RNF111: variants seen among roughly 807,000 people sequenced by gnomAD.
RNF111 encodes ring finger protein 111, also known as E3 ubiquitin-protein ligase Arkadia.
Under a neutral mutation model 95.1 loss-of-function variants are expected in RNF111, and 17 were observed. The observed-to-expected ratio is 0.18, with a 90% CI of 0.12 to 0.27. The LOEUF (loss-of-function observed/expected upper bound fraction) is 0.27. RNF111 is among the 10% of genes least tolerant of loss of function. The pLI is 1.00. For missense variants in RNF111, 1,189 were observed against 1,210.4 expected (o/e 0.98, Z 0.26); for synonymous variants, 440 against 414.8 (o/e 1.06, Z -0.74).
chr15:59,022,484 C>G (rs771795724), intron 1 of RNF111, among the ~76,000 whole-genome samples: 1 of 152,206 alleles, frequency 6.6e-6, no homozygotes, highest in Non-Finnish European at 1.5e-5. Flanking sequence ...CTCCATTTAA[C>G]TGTATTTTCT....
chr15:59,003,526 G>A (rs2039415624), intron 1 of RNF111, among the ~76,000 whole-genome samples: 1 of 151,952 alleles, frequency 6.6e-6, no homozygotes, highest in South Asian at 2.1e-4. Context: ...AGCCTCTCCA[G>A]TAGCTGGGAC....
At chr15:59,065,049 T>G (rs182262226) in intron 5 of RNF111, among the ~76,000 whole-genome samples, 2 of 152,136 alleles carry the variant, frequency 1.3e-5, no homozygotes, top group African/African-American at 4.8e-5. Flanking sequence ...CAGAAGAGAT[T>G]AGCTAGGTAC....
intron 13 of RNF111, chr15:59,093,337 C>CTTTTTTTTTTTTTTTTTTTTTTTTT: frequency 3.7e-6 from 1 of 272,050 alleles, no homozygotes; most frequent in Non-Finnish European, 6.7e-6. Context: ...TTTACAGCAT[C>CTTTTTTTTTTTTTTTTTTTTTTTTT]TTTTTTTTTT....
intron 2 of RNF111, among the ~76,000 whole-genome samples, chr15:59,043,751 A>C (rs2041578698): frequency 6.6e-6 from 1 of 152,212 alleles, no homozygotes; most frequent in Admixed American, 6.5e-5. Flanking sequence ...AGTAACTTTA[A>C]TTGTGACTGT....
At chr15:59,091,887 A>G (rs1206733386) in intron 12 of RNF111, among the ~76,000 whole-genome samples, 6 of 152,164 alleles carry the variant, frequency 3.9e-5, no homozygotes, top group Non-Finnish European at 7.3e-5. Flanking sequence ...CACAGTTTAC[A>G]ATAGGGTTCA....
intron 1 of RNF111, among the ~76,000 whole-genome samples, chr15:59,000,016 C>T (rs569828483): frequency 6.6e-6 from 1 of 152,106 alleles, no homozygotes; most frequent in Non-Finnish European, 1.5e-5. Flanking sequence ...CAGTCACCTC[C>T]AGGCAGGCCC....
Position 58,992,584 on chromosome 15 carries a change from G to A in RNF111, c.-20+4516G>A, listed in dbSNP as rs867102980. On this transcript the variant is annotated intron_variant, in intron 1 of 13. Coordinates refer to ENST00000348370, the MANE Select transcript of RNF111 (RefSeq NM_017610.8). ...TGTAATCATAGCACCTTGGGAGGCT[G>A]AGGAAGGTGGATTGCTTGAGCCCAG... 2.0e-5 allele frequency among the ~76,000 whole-genome samples: 3 copies of A among 152,318 alleles called. No individual in the cohort carries two copies. In the Middle Eastern group the frequency reaches 0.01, roughly 518 times the overall value.
At chr15:59,053,542 A>G (rs1034924541) in intron 3 of RNF111, among the ~76,000 whole-genome samples, 4 of 152,216 alleles carry the variant, frequency 2.6e-5, no homozygotes, top group Non-Finnish European at 5.9e-5. Flanking sequence ...TTTAGCATCG[A>G]AGTGCTACTT....
intron 1 of RNF111, among the ~76,000 whole-genome samples, chr15:59,027,349 C>G (rs2040667392): frequency 6.6e-6 from 1 of 152,074 alleles, no homozygotes; most frequent in Non-Finnish European, 1.5e-5. Flanking sequence ...GCCTAGAAAT[C>G]TTGATACTTT....
intron 3 of RNF111, among the ~76,000 whole-genome samples, chr15:59,055,152 C>A (rs1566915760): frequency 6.6e-6 from 1 of 152,176 alleles, no homozygotes; most frequent in South Asian, 2.1e-4. Flanking sequence ...AGTAAACTAG[C>A]CACAATGTCC....
chr15:59,057,031 A>C (rs2042227546), intron 4 of RNF111, among the ~76,000 whole-genome samples: 1 of 152,168 alleles, frequency 6.6e-6, no homozygotes, highest in African/African-American at 2.4e-5. Context: ...CTCTTATTAA[A>C]AATGAATCTA....
chr15:59,092,372 A>G (rs547336907), intron 12 of RNF111, 165 bp from the exon 13 acceptor site: 3 of 550,172 alleles, frequency 5.5e-6, no homozygotes, highest in Middle Eastern at 4.3e-4. Flanking sequence ...AATTGATGAT[A>G]GTCACTTAAT....
At chr15:59,028,753 G>T (rs2040750103) in intron 1 of RNF111, among the ~76,000 whole-genome samples, 1 of 150,118 alleles carries the variant, frequency 6.7e-6, no homozygotes, top group African/African-American at 2.5e-5. Flanking sequence ...GAGTGGAAAT[G>T]CTAGGTCACA....
chr15:59,003,819 C>T (rs1380846650), intron 1 of RNF111, among the ~76,000 whole-genome samples: 1 of 152,152 alleles, frequency 6.6e-6, no homozygotes, highest in African/African-American at 2.4e-5. Context: ...GATGCCAGTG[C>T]CTAAAACAAG....
At position 59,076,086 on chromosome 15, in the gene RNF111, G is replaced by T. The variant is rs142678358; in HGVS notation, c.1819G>T (p.Ala607Ser). 10 of 1,614,032 alleles carry T rather than the reference G, an allele frequency of 6.2e-6. No individual in the cohort carries two copies. In the African/African-American group the frequency reaches 1.3e-4, roughly 22 times the overall value. The change falls in exon 7 of 14, where the codon GCT (alanine) becomes TCT (serine). Residue 607 changes from alanine (A) to serine (S), a missense_variant. By Grantham distance (99) the Ala-to-Ser change is moderately conservative. Around this residue, in one of 2 missense-constraint regions of RNF111, gnomAD observed 1,024 missense variants for 925.9 expected, o/e 1.11. Transcript: ENST00000348370. ...SRAAIFGHQA[A>S]AAAPSQPLSS... ...AGCTGCAATCTTTGGCCATCAGGCC[G>T]CTGCTGCTGCCCCAAGTCAACCTTT...
chr15:59,081,364 A>G lies in RNF111; in HGVS notation c.2297+80A>G, dbSNP rs77629502. The G allele has an allele frequency of 1.4e-3, 1,745 of 1,224,324 alleles. 13 individuals are homozygous for G. In the African/African-American group the frequency reaches 0.023, roughly 16 times the overall value. The allele number at this position is 1,224,324 out of a possible 1,614,324, so 75.8% of individuals were successfully genotyped here. A position where few individuals can be genotyped will look rare whatever the true frequency, so the allele number is the denominator to read the frequency against. On this transcript the variant is annotated intron_variant, in intron 8 of 13. Transcript: ENST00000348370. ...TTGGTCTTTACAACTCTGAAATCCA[A>G]CTAGGCATGGTGGCATGCACTTGTA...
chr15:59,033,853 A>AC (rs1420694130), intron 2 of RNF111, among the ~76,000 whole-genome samples: 1 of 152,194 alleles, frequency 6.6e-6, no homozygotes, highest in Admixed American at 6.5e-5. Flanking sequence ...ACCCTCAAAC[A>AC]TGAGAAACAG....
chr15:59,062,880 G>A (rs1566923231), intron 5 of RNF111, among the ~76,000 whole-genome samples: 2 of 152,180 alleles, frequency 1.3e-5, no homozygotes, highest in South Asian at 4.1e-4. Context: ...GGTGGGGAAA[G>A]GCTGTGCTTA....
chr15:59,032,289 A>T (rs142360398), intron 2 of RNF111, among the ~76,000 whole-genome samples: 1 of 152,190 alleles, frequency 6.6e-6, no homozygotes, highest in East Asian at 1.9e-4. Flanking sequence ...TATGTTCTTC[A>T]TTTATGGTAC....
Sources: allele counts gnomAD v4.1 joint callset (sites outside exome capture counted in the v4.1 genomes callset), GRCh38; gene constraint gnomAD v4.1.1; regional missense constraint gnomAD v4.1.1; transcripts MANE v1.5; gene names NCBI Gene and HGNC (gene_info 2026-07-23, HGNC 2026-07-21).